Variants in LRP2 observed in about 807,000 individuals in gnomAD.
LRP2 encodes the protein low-density lipoprotein receptor-related protein 2.
A neutral mutation model predicts 531.0 loss-of-function variants in LRP2; 172 were observed. The ratio of observed to expected loss-of-function variants is 0.32; its 90% confidence interval spans 0.29 to 0.37. The LOEUF (loss-of-function observed/expected upper bound fraction) is 0.37, where lower values mean the gene tolerates loss of function less well. Ranked by LOEUF, LRP2 falls within the 10% of genes least tolerant of loss-of-function variation. The pLI, the probability that LRP2 is intolerant of heterozygous loss-of-function variation, is 1.00. For synonymous variants in LRP2, 1,992 were observed against 2,027.6 expected, an observed-to-expected ratio of 0.98 and a Z score of 0.47; for missense variants, 5,167 against 5,868.3, an observed-to-expected ratio of 0.88 and a Z score of 3.90.
chr2:169,277,970 A>T lies in LRP2; in HGVS notation c.1566-19T>A. 6.3e-7 allele frequency: 1 copy of T among 1,593,578 alleles called. No homozygotes were observed. On this transcript the variant is annotated intron_variant, in intron 12 of 78. Transcript: ENST00000649046. ...TAAATAACTACAAAAGAAAAACAGAAGATGAAAGAATCTGGTATTTTACAA... is the reference window on the plus strand; with the variant it reads ...TAAATAACTACAAAAGAAAAACAGATGATGAAAGAATCTGGTATTTTACAA...
chr2:169,137,662 A>T (rs1287830036), intron 75 of LRP2, among the ~76,000 whole-genome samples, 169 bp from the exon 76 acceptor site: 7 of 151,910 alleles, frequency 4.6e-5, no homozygotes, highest in Non-Finnish European at 1.0e-4. Flanking sequence ...AAAAAAAAAA[A>T]AAAAAAGGCC....
chr2:169,194,005 T>A, intron 46 of LRP2, 113 bp from the exon 47 acceptor site: 1 of 1,141,760 alleles, frequency 8.8e-7, no homozygotes, highest in Non-Finnish European at 1.3e-6. Context: ...GAGCATTATT[T>A]AATTATATAC....
intron 76 of LRP2, 78 bp from the exon 77 acceptor site, chr2:169,132,759 A>G: frequency 1.3e-6 from 1 of 796,694 alleles, no homozygotes; most frequent in Non-Finnish European, 2.3e-6. Context: ...GTTTGTACCA[A>G]CTCTGGCTCT....
chr2:169,159,917 C>T (rs1169379774), intron 63 of LRP2, among the ~76,000 whole-genome samples: 3 of 152,126 alleles, frequency 2.0e-5, no homozygotes, highest in Non-Finnish European at 2.9e-5. Flanking sequence ...TTTTGTGAAG[C>T]AAGAGTCCTT....
At position 169,238,311 on chromosome 2, in the gene LRP2, GA is replaced by G. The variant is rs768343955; in HGVS notation, c.4295-10del. On this transcript the variant is annotated splice_polypyrimidine_tract_variant and intron_variant, in intron 26 of 78. Transcript: ENST00000649046. ...CAGCAGACTCTCAGATGCTGTTCAAGAAAAAAATGCAAAAATGTCAATGATA... is the reference window on the plus strand; with the variant it reads ...CAGCAGACTCTCAGATGCTGTTCAAGAAAAAATGCAAAAATGTCAATGATA... The G allele has an allele frequency of 1.2e-6, 2 of 1,603,810 alleles. No homozygotes were observed. The highest frequency in any genetic ancestry group is 1.7e-6 in the Non-Finnish European group (2 of 1,171,146).
intron 60 of LRP2, among the ~76,000 whole-genome samples, chr2:169,169,012 T>C (rs531817072): frequency 1.3e-5 from 2 of 152,336 alleles, no homozygotes; most frequent in East Asian, 3.9e-4. Flanking sequence ...TGGATGGTTA[T>C]CATGGATGAT....
intron 44 of LRP2, among the ~76,000 whole-genome samples, chr2:169,201,359 A>T (rs146411208): frequency 6.6e-6 from 1 of 152,204 alleles, no homozygotes; most frequent in Non-Finnish European, 1.5e-5. Context: ...TTTGCCAGGC[A>T]TTATAATGGC....
rs375795470 is a variant in LRP2, at chr2:169,294,007, C to T, written c.652+141G>A. 379 of 717,004 alleles carry T rather than the reference C, an allele frequency of 5.3e-4. 2 individuals carry two copies. In the South Asian group the frequency reaches 5.5e-3, roughly 10 times the overall value. 44.4% of individuals were successfully genotyped at this position (717,004 alleles called of 1,614,324 possible). ...AAGACCCCCTAGTGACCGTCTGATTCCATCTGCCATCAAACGTAGTGACTC... is the reference window on the plus strand; with the variant it reads ...AAGACCCCCTAGTGACCGTCTGATTTCATCTGCCATCAAACGTAGTGACTC... On this transcript the variant is annotated intron_variant, in intron 6 of 78. Coordinates refer to ENST00000649046, the MANE Select transcript of LRP2 (RefSeq NM_004525.3).
chr2:169,270,895 C>A lies in LRP2; in HGVS notation c.2320+9G>T. ...TACACACACACACACACACACAAAC[C>A]TTTCTCACCTGTGCCATCAATCTTT... On this transcript the variant is annotated intron_variant, in intron 16 of 78. Transcript: ENST00000649046. The A allele has an allele frequency of 6.2e-7, 1 of 1,608,046 alleles. No homozygotes were observed. Among genetic ancestry groups the A allele is most frequent in the Non-Finnish European group, 8.5e-7 (1 of 1,176,392 alleles).
chr2:169,327,474 T>G lies in LRP2; in HGVS notation c.80-6590A>C, dbSNP rs7581268. Among the ~76,000 whole-genome samples, 7 of 59,898 alleles carry G rather than the reference T, an allele frequency of 1.2e-4. No homozygotes were observed. In the South Asian group the frequency reaches 2.0e-3, roughly 17 times the overall value. The allele number at this position is 59,898 out of a possible 152,430, so 39.3% of individuals were successfully genotyped here. A position where few individuals can be genotyped will look rare whatever the true frequency, so the allele number is the denominator to read the frequency against. On this transcript the variant is annotated intron_variant, in intron 1 of 78. Transcript: ENST00000649046. ...ACCCCGCCCGGCCAGCCGCCCCGTC[T>G]GGGAGGGAGGTGGGGGGGTCAGCCC...
intron 78 of LRP2, 80 bp downstream of exon 78, chr2:169,128,933 T>G: frequency 3.3e-6 from 5 of 1,535,032 alleles, no homozygotes; most frequent in Non-Finnish European, 3.6e-6. Context: ...CTCAGAATAA[T>G]CTAAGTGTGT....
At chr2:169,345,640 C>T (rs1174742523) in intron 1 of LRP2, among the ~76,000 whole-genome samples, 1 of 151,412 alleles carries the variant, frequency 6.6e-6, no homozygotes, top group African/African-American at 2.4e-5. Context: ...CAATTTTAGC[C>T]TATGTTAATT....
intron 49 of LRP2, among the ~76,000 whole-genome samples, chr2:169,187,750 T>G (rs1317044141): frequency 6.6e-6 from 1 of 152,212 alleles, no homozygotes; most frequent in Non-Finnish European, 1.5e-5. Flanking sequence ...CCATCTTCTG[T>G]TCTCTCTAAT....
chr2:169,149,962 A>T, intron 68 of LRP2, among the ~76,000 whole-genome samples: 1 of 152,224 alleles, frequency 6.6e-6, no homozygotes, highest in Non-Finnish European at 1.5e-5. Flanking sequence ...CACACTGGAA[A>T]CAGTCACATC....
chr2:169,362,235 G>C (rs1166658799), intron 1 of LRP2, 86 bp downstream of exon 1: 34 of 1,190,866 alleles, frequency 2.9e-5, no homozygotes, highest in Non-Finnish European at 3.8e-5. Context: ...CTGCCCGGAC[G>C]CTCTCCCCTC....
chr2:169,276,623 C>G (rs1354938827), intron 13 of LRP2, among the ~76,000 whole-genome samples: 1 of 151,932 alleles, frequency 6.6e-6, no homozygotes, highest in Non-Finnish European at 1.5e-5. Flanking sequence ...GATATATAAT[C>G]CAATGGCAAA....
intron 4 of LRP2, among the ~76,000 whole-genome samples, chr2:169,306,061 T>A (rs1252348177): frequency 2.0e-5 from 3 of 152,078 alleles, no homozygotes; most frequent in African/African-American, 7.2e-5. Context: ...TGTGTCCCCC[T>A]CATTAAATGA....
chr2:169,294,169 C>T lies in LRP2; in HGVS notation c.631G>A (p.Gly211Ser), dbSNP rs1281605249. ...VCDHDNDCQD[G>S]SDEHACNYPT... is the part of the protein sequence containing the mutation. ...GTACTGCAAGCATGTTCGTCACTGC[C>T]GTCTTGGCAATCATTGTCATGGTCA... The change falls in exon 6 of 79, where the codon GGC becomes AGC. Residue 211 changes from glycine to serine, a missense_variant. Coordinates refer to ENST00000649046, the MANE Select transcript of LRP2 (RefSeq NM_004525.3). 18 of 1,612,322 alleles carry T rather than the reference C, an allele frequency of 1.1e-5. No individual in the cohort carries two copies. The highest frequency in any genetic ancestry group is 1.4e-5 in the Non-Finnish European group (17 of 1,178,412).
At chr2:169,210,743 T>C (rs571387496) in intron 37 of LRP2, among the ~76,000 whole-genome samples, 1 of 152,342 alleles carries the variant, frequency 6.6e-6, no homozygotes, top group African/African-American at 2.4e-5. Context: ...ATATAAAATA[T>C]TGTGAGGCCA....
Sources: allele counts gnomAD v4.1 joint callset (sites outside exome capture counted in the v4.1 genomes callset), GRCh38; gene constraint gnomAD v4.1.1; transcripts MANE v1.5; gene names NCBI Gene and HGNC (gene_info 2026-07-23, HGNC 2026-07-21).